Variants in PDE1C observed in about 807,000 individuals in gnomAD.
The protein encoded by PDE1C is dual specificity calcium/calmodulin-dependent 3',5'-cyclic nucleotide phosphodiesterase 1C.
In PDE1C, 62 loss-of-function variants were observed where a neutral mutation model predicts 93.1. That is an observed-to-expected ratio of 0.67 (90% CI 0.54 to 0.82). The LOEUF is 0.82. Among genes scored for constraint, PDE1C ranks in the 40% least tolerant of loss-of-function variants. The probability of loss-of-function intolerance (pLI) is 0.00; values close to 1 mark genes in which losing one functional copy is unlikely to be tolerated. For synonymous variants in PDE1C, 325 were observed against 310.1 expected, an observed-to-expected ratio of 1.05 and a Z score of -0.50; for missense variants, 742 against 884.6, an observed-to-expected ratio of 0.84 and a Z score of 2.04.
Position 32,420,384 on chromosome 7 carries a change from TATATATATAC to T in PDE1C, c.310+7428_310+7437del, listed in dbSNP as rs1354004980. Among the ~76,000 whole-genome samples, 4 of 46,468 alleles carry T rather than the reference TATATATATAC, an allele frequency of 8.6e-5. 2 individuals are homozygous for T. Among genetic ancestry groups the T allele is most frequent in the Non-Finnish European group, 1.8e-4 (4 of 22,072 alleles). The allele number at this position is 46,468 out of a possible 152,430, so 30.5% of individuals were successfully genotyped here. ...ATATATGTGTATATATATGTGTATA[TATATATATAC>T]ACACACACACACACACACACATATA... On this transcript the variant is annotated intron_variant, in intron 1 of 1. Coordinates refer to the PDE1C transcript ENST00000672256.
intron 1 of PDE1C, among the ~76,000 whole-genome samples, chr7:32,369,089 A>T (rs1386953799): frequency 6.6e-6 from 1 of 152,204 alleles, no homozygotes; most frequent in Non-Finnish European, 1.5e-5. Flanking sequence ...CTGGGAAAAG[A>T]TTTTATGAAT....
intron 2 of PDE1C, among the ~76,000 whole-genome samples, chr7:31,941,763 C>T (rs1805878007): frequency 6.6e-6 from 1 of 152,132 alleles, no homozygotes; most frequent in Non-Finnish European, 1.5e-5. Flanking sequence ...ATCCAGTGGC[C>T]TGGGCACATC....
chr7:31,684,169 A>G, the PDE1C span, among the ~76,000 whole-genome samples: 1 of 152,222 alleles, frequency 6.6e-6, no homozygotes, highest in South Asian at 2.1e-4. Context: ...GTATGTACGA[A>G]GCCCTGGGAA....
At chr7:32,254,964 C>T (rs147246603) in intron 1 of PDE1C, among the ~76,000 whole-genome samples, 14 of 152,322 alleles carry the variant, frequency 9.2e-5, no homozygotes, top group East Asian at 1.9e-4. Flanking sequence ...TGCAAAAAAT[C>T]AAACAAACAT....
intron 1 of PDE1C, among the ~76,000 whole-genome samples, chr7:32,310,745 T>A (rs1783009224): frequency 6.6e-6 from 1 of 151,494 alleles, no homozygotes. Flanking sequence ...TGGGACGCAT[T>A]CAAAGCAGTG....
Position 31,915,108 on chromosome 7 carries a change from G to T in PDE1C, c.129-34248C>A, listed in dbSNP as rs188235145. On this transcript the variant is annotated intron_variant, in intron 2 of 17. Transcript: ENST00000396191. Reference sequence around the variant, plus strand: ...TCATCCCTCTGGAACCAATCCATTTGCTACCCAGGATAGAATTTAAGGTAC... The same window carrying T: ...TCATCCCTCTGGAACCAATCCATTTTCTACCCAGGATAGAATTTAAGGTAC... Among the ~76,000 whole-genome samples the T allele has an allele frequency of 1.6e-4, 24 of 152,262 alleles. No homozygotes were observed. The East Asian group carries it at 4.2e-3, about 27-fold the overall frequency.
At chr7:31,619,163 G>A in the PDE1C span, among the ~76,000 whole-genome samples, 4 of 152,148 alleles carry the variant, frequency 2.6e-5, no homozygotes, top group Non-Finnish European at 5.9e-5. Context: ...AGCTGCTCTT[G>A]CTTTTCTTTG....
intron 1 of PDE1C, among the ~76,000 whole-genome samples, chr7:32,353,550 G>GTT (rs200562811): frequency 8.4e-5 from 3 of 35,810 alleles, no homozygotes; most frequent in African/African-American, 1.5e-4. Flanking sequence ...ATTGCCTGTA[G>GTT]TTTTTGTTTT....
intron 2 of PDE1C, among the ~76,000 whole-genome samples, chr7:32,036,561 TAAAC>T (rs1791120281): frequency 6.6e-6 from 1 of 152,012 alleles, no homozygotes; most frequent in Admixed American, 6.6e-5. Context: ...ATAAAAGTAA[TAAAC>T]AAGTAGCAAG....
chr7:31,800,222 T>G (rs1030388963), intron 16 of PDE1C, among the ~76,000 whole-genome samples: 10 of 151,618 alleles, frequency 6.6e-5, no homozygotes, highest in Admixed American at 1.3e-4. Flanking sequence ...AACTGCCTTT[T>G]TATTCTCCTA....
intron 3 of PDE1C, among the ~76,000 whole-genome samples, chr7:32,099,754 C>G (rs1291741348): frequency 6.6e-6 from 1 of 152,158 alleles, no homozygotes; most frequent in Non-Finnish European, 1.5e-5. Context: ...CACCATACAC[C>G]ATGCCTTTAC....
the PDE1C span, among the ~76,000 whole-genome samples, chr7:31,632,715 G>A: frequency 6.6e-6 from 1 of 152,098 alleles, no homozygotes; most frequent in African/African-American, 2.4e-5. Flanking sequence ...TTCCATGTTG[G>A]TCAGACCGTC....
chr7:32,021,380 C>A (rs540325041), intron 2 of PDE1C, among the ~76,000 whole-genome samples: 1 of 152,216 alleles, frequency 6.6e-6, no homozygotes, highest in South Asian at 2.1e-4. Flanking sequence ...CCTCTCTAAA[C>A]AAATTACACT....
intron 9 of PDE1C, among the ~76,000 whole-genome samples, chr7:31,841,608 A>G (rs894758840): frequency 1.3e-5 from 2 of 152,108 alleles, no homozygotes; most frequent in Admixed American, 6.6e-5. Flanking sequence ...CTTGTTATAT[A>G]TCTATTAAGA....
chr7:32,374,475 G>A (rs995532493), intron 1 of PDE1C, among the ~76,000 whole-genome samples: 1 of 152,222 alleles, frequency 6.6e-6, no homozygotes, highest in African/African-American at 2.4e-5. Flanking sequence ...CACCATGTAA[G>A]AAGTTCAACT....
intron 1 of PDE1C, among the ~76,000 whole-genome samples, chr7:32,386,227 A>G (rs1467528676): frequency 7.7e-6 from 1 of 129,846 alleles, no homozygotes; most frequent in East Asian, 2.2e-4. Context: ...TATATGCACT[A>G]TAGGGCGATC....
chr7:32,311,034 G>A (rs1001966786), intron 1 of PDE1C, among the ~76,000 whole-genome samples: 1 of 151,936 alleles, frequency 6.6e-6, no homozygotes, highest in African/African-American at 2.4e-5. Context: ...AAAGAGAGAA[G>A]AATCAAATAG....
At chr7:31,808,399 A>G (rs1777108398) in intron 16 of PDE1C, 1 of 234,426 alleles carries the variant, frequency 4.3e-6, no homozygotes, top group African/African-American at 2.3e-5. Context: ...AGGTGTTTCA[A>G]TCTTATAGTT....
At chr7:31,989,409 C>A (rs977603029) in intron 2 of PDE1C, among the ~76,000 whole-genome samples, 1 of 152,172 alleles carries the variant, frequency 6.6e-6, no homozygotes, top group South Asian at 2.1e-4. Context: ...AAACCCAGAA[C>A]ATTTCCATAA....
Sources: gnomAD v4.1 joint callset for allele counts (sites outside exome capture counted in the v4.1 genomes callset) on GRCh38, gnomAD v4.1.1 for gene constraint, MANE v1.5 for transcripts, NCBI Gene and HGNC (gene_info 2026-07-23, HGNC 2026-07-21) for gene names.